The following CLN8 variants were observed in gnomAD, a reference collection of about 807,000 sequenced individuals.
CLN8 encodes the protein CLN8 transmembrane ER and ERGIC protein.
Under a neutral mutation model 15.7 loss-of-function variants are expected in CLN8, and 14 were observed. The observed-to-expected ratio is 0.89, with a 90% CI of 0.59 to 1.39. The LOEUF is 1.39. CLN8 is among the 40% of genes most tolerant of loss of function. CLN8 has a pLI of 0.00. For missense variants in CLN8, 415 were observed against 364.0 expected, an observed-to-expected ratio of 1.14 and a Z score of -1.14; for synonymous variants, 188 against 151.0, an observed-to-expected ratio of 1.25 and a Z score of -1.80.
chr8:1,767,285 C>G (rs1801102426), intron 1 of CLN8, among the ~76,000 whole-genome samples: 1 of 152,212 alleles, frequency 6.6e-6, no homozygotes, highest in African/African-American at 2.4e-5. Flanking sequence ...GGGAAGTAAG[C>G]ATTCTGGTCT....
chr8:1,779,213 C>CA (rs1801627264), intron 2 of CLN8, among the ~76,000 whole-genome samples: 3 of 152,266 alleles, frequency 2.0e-5, no homozygotes, highest in African/African-American at 7.2e-5. Context: ...TTTAAATATT[C>CA]AAAAACACCA....
In CLN8 at chr8:1,780,842, C is replaced by T. The variant is rs540199272; in HGVS notation, c.*275C>T. The T allele has an allele frequency of 2.1e-5, 11 of 526,118 alleles. No homozygotes were observed. The highest frequency in any genetic ancestry group is 1.1e-4 in the African/African-American group (6 of 52,606). 32.6% of individuals were successfully genotyped at this position (526,118 alleles called of 1,614,324 possible). On this transcript the variant is annotated 3_prime_UTR_variant, in exon 3 of 3. Transcript: ENST00000331222. ...AGAGGAGTCCATGGTGTCCAGGCAT[C>T]GGGGCGTCACACCTGTTGAGGAGTG... is the stretch of plus-strand genomic sequence containing the variant.
intron 2 of CLN8, among the ~76,000 whole-genome samples, chr8:1,778,939 G>C (rs1369491081): frequency 6.6e-6 from 1 of 152,150 alleles, no homozygotes; most frequent in Admixed American, 6.5e-5. Flanking sequence ...TATATAGCCT[G>C]GCCTGCCTTT....
rs948684101 is a variant in CLN8 at position 1,771,453 on chromosome 8, G to A, written c.399G>A (p.Leu133=). ...ACTTGATCTTCCGGACATTTGACTT[G>A]TTTCTGGTTATCCACCATCTCTTTG... The part of the protein sequence containing the change: ...LSNLIFRTFD[L]FLVIHHLFAF... Residue 133 remains leucine (L), a synonymous_variant, in exon 2 of 3, where the codon TTG becomes TTA. Coordinates refer to ENST00000331222, the MANE Select transcript of CLN8 (RefSeq NM_018941.4). 3 of 1,614,202 alleles carry A rather than the reference G, an allele frequency of 1.9e-6. No individual in the cohort carries two copies. In the East Asian group the frequency reaches 6.7e-5, roughly 36 times the overall value.
intron 2 of CLN8, among the ~76,000 whole-genome samples, chr8:1,771,990 C>A (rs1039110807): frequency 6.6e-6 from 1 of 151,942 alleles, no homozygotes; most frequent in Non-Finnish European, 1.5e-5. Context: ...GGCTGGAGTA[C>A]AATGGCATGG....
Position 1,781,696 on chromosome 8 carries a change from G to A in CLN8, c.*1129G>A, listed in dbSNP as rs1013968509. 1 of 152,136 alleles carries A rather than the reference G, an allele frequency of 6.6e-6. No homozygotes were observed. The highest frequency in any genetic ancestry group is 2.4e-5 in the African/African-American group (1 of 41,422). The allele number at this position is 152,136 out of a possible 1,614,324, so 9.4% of individuals were successfully genotyped here. A position where few individuals can be genotyped will look rare whatever the true frequency, so the allele number is the denominator to read the frequency against. ...GAGTTACCTACAGGCACCCAATCTA[G>A]ACCCTAATTCTGTGGTTGGTGTTCC... On this transcript the variant is annotated 3_prime_UTR_variant, in exon 3 of 3. Transcript: ENST00000331222.
chr8:1,764,520 G>C (rs1027870870), intron 1 of CLN8: 24 of 152,462 alleles, frequency 1.6e-4, no homozygotes, highest in African/African-American at 5.5e-4. Context: ...GGTGTCACGT[G>C]GGTGTGGCCT....
rs541840243 is a variant in CLN8, at chr8:1,771,181, C to T, written c.127C>T (p.His43Tyr). 1 of 1,614,038 alleles carries T rather than the reference C, an allele frequency of 6.2e-7. No individual in the cohort carries two copies. Among genetic ancestry groups the T allele is most frequent in the East Asian group, 2.2e-5 (1 of 44,832 alleles). Residue 43 changes from histidine (H) to tyrosine (Y), a missense_variant, in exon 2 of 3, where the codon CAC (histidine) becomes TAC (tyrosine). Coordinates refer to ENST00000331222, the MANE Select transcript of CLN8 (RefSeq NM_018941.4). ...VFYLGVFVVC[H>Y]QLSSSLNATY... ...CTACTTGGGCGTCTTTGTGGTCTGC[C>T]ACCAGCTGTCCTCTTCCCTGAATGC...
At chr8:1,764,097 C>G (rs941841747) in intron 1 of CLN8, among the ~76,000 whole-genome samples, 1 of 149,736 alleles carries the variant, frequency 6.7e-6, no homozygotes, top group Non-Finnish European at 1.5e-5. Flanking sequence ...AGGGGGAACC[C>G]AGATGGGCGC....
chr8:1,771,990 C>G (rs1039110807), intron 2 of CLN8, among the ~76,000 whole-genome samples: 1 of 151,942 alleles, frequency 6.6e-6, no homozygotes, highest in Non-Finnish European at 1.5e-5. Flanking sequence ...GGCTGGAGTA[C>G]AATGGCATGG....
exon 1 of CLN8, chr8:1,755,864 C>T (rs10481354): frequency 0.66 from 100,984 of 152,070 alleles, 33,845 homozygotes; most frequent in South Asian, 0.77. Flanking sequence ...ATGTGAAATG[C>T]GGATTCCCTA....
intron 2 of CLN8, among the ~76,000 whole-genome samples, chr8:1,778,854 G>A (rs554957244): frequency 6.6e-6 from 1 of 152,276 alleles, no homozygotes; most frequent in East Asian, 1.9e-4. Context: ...GACTCAGGAT[G>A]GGGTTACATC....
upstream of CLN8, among the ~76,000 whole-genome samples, chr8:1,761,784 A>G (rs552604786): frequency 1.7e-4 from 26 of 152,360 alleles, 2 homozygotes; most frequent in South Asian, 5.4e-3. Flanking sequence ...GAGCCAGTTT[A>G]TCCATCTGGA....
At chr8:1,760,162 T>C (rs1800758764), upstream of CLN8, 1 of 152,214 alleles carries the variant, frequency 6.6e-6, no homozygotes, top group Non-Finnish European at 1.5e-5. Context: ...CACACATTGC[T>C]AACCTCAGGC....
intron 2 of CLN8, among the ~76,000 whole-genome samples, chr8:1,779,697 T>G (rs1165154368): frequency 6.6e-6 from 1 of 152,228 alleles, no homozygotes; most frequent in Non-Finnish European, 1.5e-5. Context: ...AGCAGATTCA[T>G]GTCTGGTGAA....
intron 1 of CLN8, among the ~76,000 whole-genome samples, chr8:1,756,358 C>T (rs953910834): frequency 9.2e-5 from 14 of 151,910 alleles, no homozygotes; most frequent in Admixed American, 2.0e-4. Context: ...GTGGTATGTA[C>T]CTGTAGTCCC....
In CLN8 at chr8:1,780,315, C is replaced by T. The variant is rs765382699; in HGVS notation, c.609C>T (p.Cys203=). The T allele has an allele frequency of 6.2e-7, 1 of 1,614,138 alleles. No individual in the cohort carries two copies. Among genetic ancestry groups the T allele is most frequent in the Non-Finnish European group, 8.5e-7 (1 of 1,180,050 alleles). ...NQWLMIHMFH[C]RMVLTYHMWW... is the part of the protein sequence containing the mutation. ...GGCTGATGATTCACATGTTTCACTG[C>T]CGCATGGTTCTAACCTACCACATGT... The change falls in exon 3 of 3, where the codon TGC becomes TGT. Residue 203 remains cysteine (C), a synonymous_variant. Transcript: ENST00000331222.
At chr8:1,770,501 G>A (rs1254006525) in intron 1 of CLN8, among the ~76,000 whole-genome samples, 5 of 152,156 alleles carry the variant, frequency 3.3e-5, no homozygotes, top group Admixed American at 3.3e-4. Flanking sequence ...AGGAGCACAG[G>A]TTTTCGTGAC....
At chr8:1,753,117 C>A (rs1251870739), upstream of CLN8, among the ~76,000 whole-genome samples, 1 of 152,218 alleles carries the variant, frequency 6.6e-6, no homozygotes, top group African/African-American at 2.4e-5. Context: ...CAGCAAGGTA[C>A]ATTCTCCCCT....
Sources: gnomAD v4.1 joint callset for allele counts (sites outside exome capture counted in the v4.1 genomes callset) on GRCh38, gnomAD v4.1.1 for gene constraint, MANE v1.5 for transcripts, NCBI Gene and HGNC (gene_info 2026-07-23, HGNC 2026-07-21) for gene names.